Variants in MYO3B observed in about 807,000 individuals in gnomAD.
MYO3B encodes the protein myosin-IIIb.
A neutral mutation model predicts 174.6 loss-of-function variants in MYO3B; 156 were observed. The observed-to-expected ratio is 0.89, with a 90% CI of 0.78 to 1.02. The LOEUF (loss-of-function observed/expected upper bound fraction) is 1.02, where lower values mean the gene tolerates loss of function less well. MYO3B is among the 50% of genes least tolerant of loss of function. The pLI, the probability that MYO3B is intolerant of heterozygous loss-of-function variation, is 0.00. For missense variants in MYO3B, 1,632 were observed against 1,639.4 expected (o/e 1.00, Z 0.08); for synonymous variants, 563 against 569.1 (o/e 0.99, Z 0.15).
At chr2:170,314,657 T>G (rs559402719) in intron 7 of MYO3B, among the ~76,000 whole-genome samples, 3 of 152,200 alleles carry the variant, frequency 2.0e-5, no homozygotes, top group Non-Finnish European at 4.4e-5. Context: ...GAATGAATGA[T>G]CAAATAAAGA....
chr2:170,493,586 A>AT (rs1441395406), intron 25 of MYO3B, among the ~76,000 whole-genome samples: 3 of 152,158 alleles, frequency 2.0e-5, no homozygotes, highest in Non-Finnish European at 4.4e-5. Flanking sequence ...ATTATTTGAT[A>AT]TTCCTCCCTT....
intron 32 of MYO3B, chr2:170,641,200 A>C (rs1441314995): frequency 6.6e-6 from 1 of 152,250 alleles, no homozygotes; most frequent in Non-Finnish European, 1.5e-5. Context: ...CTGGGAGGGT[A>C]GGGAACATTC....
In MYO3B at chr2:170,499,911, C is replaced by T. The variant is rs557968419; in HGVS notation, c.3289+103C>T. On this transcript the variant is annotated intron_variant, in intron 27 of 34. Coordinates refer to ENST00000408978, the MANE Select transcript of MYO3B (RefSeq NM_138995.5). Reference sequence around the variant, plus strand: ...TCTTCTAAGTGGTTTCCCTCCCTCCCTTCCTTCTCCCCTCCCTCCCTCCCT... The same window carrying T: ...TCTTCTAAGTGGTTTCCCTCCCTCCTTTCCTTCTCCCCTCCCTCCCTCCCT... 20 of 878,402 alleles carry T rather than the reference C, an allele frequency of 2.3e-5. No individual in the cohort carries two copies. In the East Asian group the frequency reaches 5.0e-4, roughly 22 times the overall value. 54.4% of individuals were successfully genotyped at this position (878,402 alleles called of 1,614,324 possible).
intron 32 of MYO3B, among the ~76,000 whole-genome samples, chr2:170,646,458 G>A (rs1288089000): frequency 4.0e-5 from 6 of 151,510 alleles, no homozygotes; most frequent in East Asian, 3.9e-4. Context: ...ACAGAGGCGC[G>A]ATCTCGGCTC....
At chr2:170,182,454 T>A (rs4332887) in intron 1 of MYO3B, among the ~76,000 whole-genome samples, 64,974 of 151,900 alleles carry the variant, frequency 0.43, 15,153 homozygotes, top group East Asian at 0.56. Flanking sequence ...TGAGTCTACT[T>A]TTGGTTTCTA....
intron 30 of MYO3B, among the ~76,000 whole-genome samples, chr2:170,534,215 T>G (rs574523479): frequency 6.6e-6 from 1 of 152,330 alleles, no homozygotes. Flanking sequence ...ATGTCAGAAT[T>G]TTTTAGCCAT....
chr2:170,279,049 A>G (rs2093485305), intron 7 of MYO3B, among the ~76,000 whole-genome samples: 1 of 152,084 alleles, frequency 6.6e-6, no homozygotes, highest in South Asian at 2.1e-4. Flanking sequence ...GTTGACAGAC[A>G]TTGAGGTTGA....
intron 26 of MYO3B, 112 bp from the exon 27 acceptor site, chr2:170,499,534 A>G (rs1193552220): frequency 6.0e-6 from 6 of 992,968 alleles, no homozygotes; most frequent in Non-Finnish European, 8.8e-6. Context: ...TCACATCGCT[A>G]TAAACTTTAT....
At chr2:170,571,430 T>C (rs1319632533) in intron 32 of MYO3B, among the ~76,000 whole-genome samples, 1 of 152,166 alleles carries the variant, frequency 6.6e-6, no homozygotes, top group Non-Finnish European at 1.5e-5. Flanking sequence ...GGCTGAGTTC[T>C]GAGGAATGGC....
chr2:170,450,255 A>G (rs1683518396), intron 23 of MYO3B, among the ~76,000 whole-genome samples: 1 of 152,250 alleles, frequency 6.6e-6, no homozygotes, highest in African/African-American at 2.4e-5. Context: ...TGATTTTTAT[A>G]TAAGAAAGCA....
At chr2:170,234,239 G>A (rs2093047123) in intron 6 of MYO3B, among the ~76,000 whole-genome samples, 1 of 151,082 alleles carries the variant, frequency 6.6e-6, no homozygotes, top group African/African-American at 2.4e-5. Context: ...TCTGTTTCAT[G>A]CTGCTATAAC....
intron 32 of MYO3B, among the ~76,000 whole-genome samples, chr2:170,576,051 A>G (rs1488273817): frequency 6.6e-6 from 1 of 152,234 alleles, no homozygotes; most frequent in African/African-American, 2.4e-5. Context: ...CAAAGTCCCC[A>G]GACTCCCTAT....
intron 21 of MYO3B, among the ~76,000 whole-genome samples, chr2:170,405,870 G>C (rs1474489308): frequency 6.6e-6 from 1 of 152,198 alleles, no homozygotes; most frequent in Non-Finnish European, 1.5e-5. Flanking sequence ...CTTCTCACCT[G>C]AGGTTTGGCC....
intron 7 of MYO3B, among the ~76,000 whole-genome samples, chr2:170,265,901 GA>G (rs1359078285): frequency 6.6e-6 from 1 of 151,960 alleles, no homozygotes; most frequent in Non-Finnish European, 1.5e-5. Context: ...AAATAAAGTA[GA>G]AAAAAATAGG....
At chr2:170,403,141 A>C in intron 19 of MYO3B, 146 bp downstream of exon 19, 3 of 709,632 alleles carry the variant, frequency 4.2e-6, no homozygotes, top group Non-Finnish European at 6.2e-6. Flanking sequence ...AAATAGTCTA[A>C]ATTTGTCTGG....
intron 32 of MYO3B, among the ~76,000 whole-genome samples, chr2:170,582,035 G>A (rs1035905326): frequency 6.6e-6 from 1 of 152,204 alleles, no homozygotes. Flanking sequence ...TAAGGCAGTT[G>A]TAAGGCAGCC....
At chr2:170,540,280 T>C (rs10199545) in intron 30 of MYO3B, among the ~76,000 whole-genome samples, 134,946 of 151,890 alleles carry the variant, frequency 0.89, 60,075 homozygotes, top group East Asian at 0.94. Flanking sequence ...GCCATGATCA[T>C]GTCACTGCAC....
intron 22 of MYO3B, among the ~76,000 whole-genome samples, chr2:170,427,650 TCTC>T (rs1430186939): frequency 6.6e-6 from 1 of 152,192 alleles, no homozygotes; most frequent in Non-Finnish European, 1.5e-5. Context: ...TCAGTATGCC[TCTC>T]CTTATTTTCT....
intron 12 of MYO3B, among the ~76,000 whole-genome samples, chr2:170,385,286 G>C (rs1453881508): frequency 6.6e-6 from 1 of 152,086 alleles, no homozygotes; most frequent in African/African-American, 2.4e-5. Flanking sequence ...GGGAGGTAGG[G>C]CTGAAAGTTC....
Sources: allele counts gnomAD v4.1 joint callset (sites outside exome capture counted in the v4.1 genomes callset), GRCh38; gene constraint gnomAD v4.1.1; transcripts MANE v1.5; gene names NCBI Gene and HGNC (gene_info 2026-07-23, HGNC 2026-07-21).